The following GNAQ variants were observed in gnomAD, a reference collection of about 807,000 sequenced individuals.
GNAQ encodes guanine nucleotide-binding protein G(q) subunit alpha.
Under a neutral mutation model 43.9 loss-of-function variants are expected in GNAQ, and 8 were observed. The observed-to-expected ratio is 0.18, with a 90% CI of 0.11 to 0.33. The LOEUF is 0.33. GNAQ is among the 10% of genes least tolerant of loss of function. GNAQ has a pLI of 1.00. For synonymous variants in GNAQ, 155 were observed against 170.7 expected, an observed-to-expected ratio of 0.91 and a Z score of 0.71; for missense variants, 158 against 450.8, an observed-to-expected ratio of 0.35 and a Z score of 5.88.
chr9:77,880,015 T>C (rs1455263398), intron 2 of GNAQ, among the ~76,000 whole-genome samples: 2 of 152,200 alleles, frequency 1.3e-5, no homozygotes, highest in South Asian at 2.1e-4. Flanking sequence ...CACAGCACGT[T>C]AGTGAGTAGA....
At chr9:77,982,696 G>A (rs543018754) in intron 1 of GNAQ, among the ~76,000 whole-genome samples, 8 of 147,478 alleles carry the variant, frequency 5.4e-5, no homozygotes, top group African/African-American at 2.0e-4. Flanking sequence ...TCTCATTAAT[G>A]AATCCTCTAC....
intron 2 of GNAQ, among the ~76,000 whole-genome samples, chr9:77,899,834 A>AT (rs1230673755): frequency 2.0e-5 from 3 of 152,186 alleles, no homozygotes; most frequent in African/African-American, 7.2e-5. Flanking sequence ...AGCACATATC[A>AT]AATGCACGGA....
chr9:77,721,586 A>G (rs543065799), intron 6 of GNAQ, 73 bp from the exon 7 acceptor site: 9 of 878,382 alleles, frequency 1.0e-5, no homozygotes, highest in African/African-American at 1.7e-5. Context: ...TTGGTTCAAT[A>G]AATACTGTGT....
At chr9:77,986,952 T>C (rs10870001) in intron 1 of GNAQ, among the ~76,000 whole-genome samples, 32,083 of 151,978 alleles carry the variant, frequency 0.21, 3,614 homozygotes, top group South Asian at 0.38. Flanking sequence ...TATCATTATA[T>C]TGATAATGCT....
chr9:77,982,088 TGCTAATTCTTA>T (rs1296645944), intron 1 of GNAQ, among the ~76,000 whole-genome samples: 3 of 152,236 alleles, frequency 2.0e-5, no homozygotes, highest in Non-Finnish European at 4.4e-5. Flanking sequence ...GCCAACCTAC[TGCTAATTCTTA>T]GCACAGAAAG....
intron 2 of GNAQ, among the ~76,000 whole-genome samples, chr9:77,816,200 T>A (rs1827011585): frequency 6.6e-6 from 1 of 152,190 alleles, no homozygotes; most frequent in Non-Finnish European, 1.5e-5. Context: ...GTGTTGTATG[T>A]CTAAGCAGAA....
intron 1 of GNAQ, among the ~76,000 whole-genome samples, chr9:77,960,497 G>A (rs936358644): frequency 4.6e-5 from 7 of 152,080 alleles, no homozygotes; most frequent in Non-Finnish European, 8.8e-5. Flanking sequence ...GAGAGATCCC[G>A]GCTCAATCTC....
intron 2 of GNAQ, among the ~76,000 whole-genome samples, chr9:77,875,844 C>T (rs1400342886): frequency 6.6e-6 from 1 of 152,088 alleles, no homozygotes; most frequent in East Asian, 1.9e-4. Context: ...TTTAACTCAC[C>T]ATTGCTATTT....
At chr9:77,886,734 A>C (rs77263259) in intron 2 of GNAQ, among the ~76,000 whole-genome samples, 11,201 of 152,262 alleles carry the variant, frequency 0.074, 513 homozygotes, top group South Asian at 0.11. Context: ...AAACAAAAAA[A>C]CGCTGTAAAG....
intron 2 of GNAQ, among the ~76,000 whole-genome samples, chr9:77,855,487 T>C (rs1827739594): frequency 6.6e-6 from 1 of 152,210 alleles, no homozygotes; most frequent in Admixed American, 6.5e-5. Context: ...ATGGTATATC[T>C]ATATTACTAG....
At chr9:77,830,229 A>G (rs1827275567) in intron 2 of GNAQ, among the ~76,000 whole-genome samples, 1 of 152,192 alleles carries the variant, frequency 6.6e-6, no homozygotes, top group Admixed American at 6.5e-5. Flanking sequence ...CTGGGATTAC[A>G]GGTGTGAGCC....
intron 5 of GNAQ, among the ~76,000 whole-genome samples, chr9:77,774,007 T>TA (rs201309704): frequency 4.6e-5 from 7 of 151,752 alleles, no homozygotes; most frequent in African/African-American, 7.3e-5. Flanking sequence ...TTTTTTTTTT[T>TA]AAAAAGGAAG....
chr9:77,996,460 A>T (rs1195316071), intron 1 of GNAQ, among the ~76,000 whole-genome samples: 1 of 152,126 alleles, frequency 6.6e-6, no homozygotes, highest in African/African-American at 2.4e-5. Context: ...CGGGCGGATC[A>T]CGAGGTCAGG....
intron 2 of GNAQ, among the ~76,000 whole-genome samples, chr9:77,861,942 T>A (rs1587370853): frequency 6.9e-6 from 1 of 145,074 alleles, no homozygotes; most frequent in African/African-American, 2.6e-5. Flanking sequence ...GAGGCGGAGG[T>A]TGCGGTGAGC....
chr9:77,835,253 G>A (rs1287994859), intron 2 of GNAQ, among the ~76,000 whole-genome samples: 1 of 151,608 alleles, frequency 6.6e-6, no homozygotes. Flanking sequence ...AAATAATGGA[G>A]AGAGAAACCA....
rs1447222733 is a variant in GNAQ at position 77,762,428 on chromosome 9, G to T, written c.735+32035C>A. On this transcript the variant is annotated intron_variant, in intron 5 of 6. Transcript: ENST00000286548. The stretch of plus-strand genomic sequence containing the variant: ...CCACCCCATCCGGGAGGGAGGTGGG[G>T]GGGTCAGCCCCCCGCCTGGCCAGCC... Among the ~76,000 whole-genome samples the T allele has an allele frequency of 1.6e-3, 205 of 127,572 alleles. 5 individuals are homozygous for T. The highest frequency in any genetic ancestry group is 5.5e-3 in the African/African-American group (166 of 30,288). The allele number at this position is 127,572 out of a possible 152,430, so 83.7% of individuals were successfully genotyped here.
At chr9:77,872,660 C>G (rs2118033521) in intron 2 of GNAQ, among the ~76,000 whole-genome samples, 1 of 152,274 alleles carries the variant, frequency 6.6e-6, no homozygotes, top group South Asian at 2.1e-4. Flanking sequence ...AAGAGATTAT[C>G]TTCCATTTCA....
In GNAQ at chr9:78,028,336, G is replaced by A. The variant is rs1389567356; in HGVS notation, c.136+2764C>T. On this transcript the variant is annotated intron_variant, in intron 1 of 6. Transcript: ENST00000286548. ...AAAAATATATAATATATAAGCATAC[G>A]GAATAAATTTGGAAGACTGGCATAG... 3.3e-5 allele frequency among the ~76,000 whole-genome samples: 5 copies of A among 152,102 alleles called. No individual in the cohort carries two copies. The East Asian group carries it at 7.7e-4, about 23-fold the overall frequency.
At chr9:77,925,457 A>T (rs1829057753) in intron 1 of GNAQ, among the ~76,000 whole-genome samples, 1 of 152,172 alleles carries the variant, frequency 6.6e-6, no homozygotes, top group African/African-American at 2.4e-5. Context: ...CCCACAATTT[A>T]AAAATATCTC....
Sources: gnomAD v4.1 joint callset for allele counts (sites outside exome capture counted in the v4.1 genomes callset) on GRCh38, gnomAD v4.1.1 for gene constraint, MANE v1.5 for transcripts, NCBI Gene and HGNC (gene_info 2026-07-23, HGNC 2026-07-21) for gene names.